Variants in SENP7 observed in about 807,000 individuals in gnomAD.
The protein encoded by SENP7 is sentrin-specific protease 7.
Under a neutral mutation model 141.2 loss-of-function variants are expected in SENP7, and 64 were observed. The observed-to-expected ratio is 0.45, with a 90% CI of 0.37 to 0.56. The LOEUF (loss-of-function observed/expected upper bound fraction) is 0.56. Ranked by LOEUF, SENP7 falls within the 20% of genes least tolerant of loss-of-function variation. The pLI, the probability that SENP7 is intolerant of heterozygous loss-of-function variation, is 0.00. For missense variants in SENP7, 1,025 were observed against 1,212.2 expected, an observed-to-expected ratio of 0.85 and a Z score of 2.29; for synonymous variants, 382 against 426.4, an observed-to-expected ratio of 0.90 and a Z score of 1.28.
intron 6 of SENP7, among the ~76,000 whole-genome samples, chr3:101,383,245 C>T (rs1171281650): frequency 1.3e-5 from 2 of 152,158 alleles, no homozygotes; most frequent in African/African-American, 4.8e-5. Flanking sequence ...TCTCTTGCTC[C>T]TGCTTTCACC....
chr3:101,479,175 A>G (rs1287271638), intron 3 of SENP7, among the ~76,000 whole-genome samples: 1 of 152,244 alleles, frequency 6.6e-6, no homozygotes, highest in African/African-American at 2.4e-5. Context: ...ATGCTTATTC[A>G]ACATAGTAAT....
At chr3:101,403,809 A>G (rs2061222082) in intron 5 of SENP7, among the ~76,000 whole-genome samples, 2 of 152,208 alleles carry the variant, frequency 1.3e-5, no homozygotes, top group South Asian at 4.1e-4. Context: ...TCACAAAGGC[A>G]ATCTCATTCA....
At chr3:101,422,410 A>G (rs377238461) in intron 4 of SENP7, among the ~76,000 whole-genome samples, 10 of 152,128 alleles carry the variant, frequency 6.6e-5, no homozygotes, top group African/African-American at 2.4e-4. Context: ...GTTAAAATCT[A>G]CCTTATTAAA....
chr3:101,469,403 C>T (rs570325977), intron 3 of SENP7, among the ~76,000 whole-genome samples: 2 of 152,248 alleles, frequency 1.3e-5, no homozygotes, highest in East Asian at 3.9e-4. Context: ...ACAAACAGAC[C>T]TAATAGACAT....
At chr3:101,445,615 T>C (rs1018075610) in intron 4 of SENP7, among the ~76,000 whole-genome samples, 1 of 151,922 alleles carries the variant, frequency 6.6e-6, no homozygotes, top group African/African-American at 2.4e-5. Context: ...ACAGGCTAAG[T>C]GGATTTAAAA....
At chr3:101,440,042 T>A (rs1328103694) in intron 4 of SENP7, among the ~76,000 whole-genome samples, 5 of 64,760 alleles carry the variant, frequency 7.7e-5, no homozygotes, top group African/African-American at 1.9e-4. Context: ...GGAGCCCCTC[T>A]GCCCGGCCAC....
intron 3 of SENP7, among the ~76,000 whole-genome samples, chr3:101,468,880 G>A (rs1213660116): frequency 1.3e-5 from 2 of 152,118 alleles, no homozygotes; most frequent in Non-Finnish European, 2.9e-5. Context: ...ATGTAAATGG[G>A]CTAAATACCC....
At chr3:101,513,017 C>CA in intron 1 of SENP7, 74 bp downstream of exon 1, 2 of 1,542,526 alleles carry the variant, frequency 1.3e-6, no homozygotes, top group Non-Finnish European at 1.8e-6. Flanking sequence ...GCCGCAACCC[C>CA]AGCTGCCGCC....
chr3:101,374,907 T>G (rs1041720763), intron 6 of SENP7, among the ~76,000 whole-genome samples: 29 of 151,914 alleles, frequency 1.9e-4, no homozygotes, highest in Non-Finnish European at 3.1e-4. Context: ...AAAGACCTCC[T>G]ACAGCTCAAC....
rs139789131 is a variant in SENP7, at chr3:101,485,997, A to G, written c.186+7876T>C. 3.9e-3 allele frequency among the ~76,000 whole-genome samples: 587 copies of G among 152,290 alleles called. 9 individuals are homozygous for G. In the East Asian group the frequency reaches 0.058, roughly 15 times the overall value. ...TGGAAAGTCTCAGCAATAGAATTAA[A>G]CAAGTAGGAAGAAAGAAATTCAGAA... On this transcript the variant is annotated intron_variant, in intron 3 of 23. Coordinates refer to ENST00000394095, the MANE Select transcript of SENP7 (RefSeq NM_020654.5).
chr3:101,477,850 C>CA (rs201860020), intron 3 of SENP7, among the ~76,000 whole-genome samples: 1,253 of 109,066 alleles, frequency 0.011, 29 homozygotes, highest in East Asian at 0.1. Flanking sequence ...GTCTCCATCT[C>CA]AAAAAAAAAA....
intron 13 of SENP7, 133 bp downstream of exon 13, chr3:101,347,733 AAAAAAG>A: frequency 1.9e-6 from 1 of 526,954 alleles, no homozygotes; most frequent in East Asian, 3.6e-5. Context: ...AAAAAAAAAA[AAAAAAG>A]AAACAAAATT....
In SENP7 at chr3:101,325,893, G is replaced by C; in HGVS notation, c.*50C>G. On this transcript the variant is annotated 3_prime_UTR_variant, in exon 24 of 24. Coordinates refer to ENST00000394095, the MANE Select transcript of SENP7 (RefSeq NM_020654.5). Reference sequence around the variant, plus strand: ...CTGGCTAACACAAATGCTGGTAAGAGGCTTTCCAGTAATCTTAGAGAACAT... The same window carrying C: ...CTGGCTAACACAAATGCTGGTAAGACGCTTTCCAGTAATCTTAGAGAACAT... 6.6e-7 allele frequency: 1 copy of C among 1,504,020 alleles called. No individual in the cohort carries two copies. The highest frequency in any genetic ancestry group is 8.9e-7 in the Non-Finnish European group (1 of 1,122,898). 93.2% of individuals were successfully genotyped at this position (1,504,020 alleles called of 1,614,324 possible).
intron 5 of SENP7, among the ~76,000 whole-genome samples, chr3:101,417,262 C>T (rs145201205): frequency 2.6e-5 from 4 of 152,182 alleles, no homozygotes; most frequent in Admixed American, 6.5e-5. Flanking sequence ...GCATATAATA[C>T]ATATACACAC....
intron 6 of SENP7, among the ~76,000 whole-genome samples, chr3:101,376,707 C>G (rs1476069857): frequency 6.6e-6 from 1 of 151,902 alleles, no homozygotes; most frequent in South Asian, 2.1e-4. Flanking sequence ...ATGGGTGCAG[C>G]ACACCAACAT....
intron 4 of SENP7, among the ~76,000 whole-genome samples, chr3:101,434,116 A>G (rs1162420849): frequency 1.3e-5 from 2 of 152,198 alleles, no homozygotes; most frequent in Admixed American, 6.5e-5. Context: ...TTAGAAATCA[A>G]TAACAAGAGG....
chr3:101,352,510 T>C (rs1013397991), intron 11 of SENP7, among the ~76,000 whole-genome samples: 54 of 152,152 alleles, frequency 3.5e-4, no homozygotes, highest in Admixed American at 7.9e-4. Context: ...TTTCTCTAGG[T>C]ACCTTTTGTA....
chr3:101,384,683 T>C (rs2060602635), intron 6 of SENP7, among the ~76,000 whole-genome samples: 1 of 152,178 alleles, frequency 6.6e-6, no homozygotes, highest in African/African-American at 2.4e-5. Context: ...GGCTCGCCGT[T>C]GGCAGGTATG....
chr3:101,448,242 T>C (rs1185565253), intron 4 of SENP7, among the ~76,000 whole-genome samples: 1 of 152,034 alleles, frequency 6.6e-6, no homozygotes, highest in Non-Finnish European at 1.5e-5. Flanking sequence ...AACAGATAAA[T>C]GGGACTTCAT....
Sources: allele counts gnomAD v4.1 joint callset (sites outside exome capture counted in the v4.1 genomes callset), GRCh38; gene constraint gnomAD v4.1.1; transcripts MANE v1.5; gene names NCBI Gene and HGNC (gene_info 2026-07-23, HGNC 2026-07-21).